DAB2IP: variants seen among roughly 807,000 people sequenced by gnomAD.
The protein encoded by DAB2IP is disabled homolog 2-interacting protein.
DAB2IP carries 28 observed loss-of-function variants against 107.2 expected under a neutral mutation model. That is an observed-to-expected ratio of 0.26 (90% CI 0.19 to 0.36). The LOEUF (loss-of-function observed/expected upper bound fraction) is 0.36. DAB2IP is among the 10% of genes least tolerant of loss of function. DAB2IP has a pLI of 1.00. For synonymous variants in DAB2IP, 755 were observed against 706.4 expected (o/e 1.07, Z -1.09); for missense variants, 1,400 against 1,644.7 (o/e 0.85, Z 2.57).
chr9:121,657,640 C>G (rs1833023410), intron 1 of DAB2IP, among the ~76,000 whole-genome samples: 1 of 152,174 alleles, frequency 6.6e-6, no homozygotes, highest in Non-Finnish European at 1.5e-5. Context: ...CTCGAAAGCT[C>G]ATGCTCAGAA....
At chr9:121,693,986 G>A (rs1829291258) in intron 2 of DAB2IP, among the ~76,000 whole-genome samples, 1 of 152,162 alleles carries the variant, frequency 6.6e-6, no homozygotes. Context: ...GGCTGGGAGT[G>A]TGGCACAGAC....
chr9:121,729,274 C>G (rs1831391732), intron 3 of DAB2IP, among the ~76,000 whole-genome samples: 1 of 152,222 alleles, frequency 6.6e-6, no homozygotes, highest in African/African-American at 2.4e-5. Flanking sequence ...CACTACTTCT[C>G]TGGGGACACT....
At position 121,760,241 on chromosome 9, in the gene DAB2IP, T is replaced by C. The variant is rs1029718391; in HGVS notation, c.972T>C (p.Pro324=). Residue 324 remains proline (P), a synonymous_variant, in exon 6 of 16, where the codon CCT becomes CCC. Transcript: ENST00000408936. This position sits in a 1 kb window ranked among gnomAD's most constrained non-coding sequence, Gnocchi z 5.9. Reference sequence around the variant, plus strand: ...CCAACCCCAAGGGCGGCAAGGGCCCTGGACCCATGATCCGCATCAAGGCGC... The same window carrying C: ...CCAACCCCAAGGGCGGCAAGGGCCCCGGACCCATGATCCGCATCAAGGCGC... 1 of 1,613,730 alleles carries C rather than the reference T, an allele frequency of 6.2e-7. No individual in the cohort carries two copies. The highest frequency in any genetic ancestry group is 1.3e-5 in the African/African-American group (1 of 74,924).
At chr9:121,594,178 G>T (rs963139565) in intron 1 of DAB2IP, among the ~76,000 whole-genome samples, 1 of 151,772 alleles carries the variant, frequency 6.6e-6, no homozygotes, top group African/African-American at 2.4e-5. Context: ...GAGGGATGTA[G>T]TAGCATGCTC....
chr9:121,675,307 G>A (rs920190999), intron 1 of DAB2IP, among the ~76,000 whole-genome samples: 1 of 152,304 alleles, frequency 6.6e-6, no homozygotes, highest in South Asian at 2.1e-4. Context: ...GTGTGGAGGT[G>A]GGACATTCCT....
intron 1 of DAB2IP, among the ~76,000 whole-genome samples, chr9:121,659,328 G>A (rs1419547716): frequency 6.6e-6 from 1 of 152,220 alleles, no homozygotes; most frequent in African/African-American, 2.4e-5. Flanking sequence ...GGGACACAGA[G>A]TTTGGCCTAG....
In DAB2IP at chr9:121,662,212, C is replaced by G. The variant is rs1213153532; in HGVS notation, c.124+10313C>G. On this transcript the variant is annotated intron_variant, in intron 1 of 15. Transcript: ENST00000408936. This position sits in a 1 kb window ranked among gnomAD's most constrained non-coding sequence, Gnocchi z 4.6. ...AGAAAATAATATTGCAGACACCCAC[C>G]TCTCAGGTTGAACAAACCTTAACAT... 4.6e-5 allele frequency among the ~76,000 whole-genome samples: 7 copies of G among 152,142 alleles called. No homozygotes were observed. The highest frequency in any genetic ancestry group is 1.0e-4 in the Non-Finnish European group (7 of 68,038).
chr9:121,645,187 C>T (rs1351897808), intron 1 of DAB2IP, among the ~76,000 whole-genome samples: 1 of 152,224 alleles, frequency 6.6e-6, no homozygotes, highest in Non-Finnish European at 1.5e-5. Flanking sequence ...CAGGGCCCAC[C>T]TGGAGCTTGG....
At chr9:121,567,136 G>C in exon 1 of DAB2IP, 1 of 1,612,576 alleles carries the variant, frequency 6.2e-7, no homozygotes, top group South Asian at 1.1e-5. Flanking sequence ...CGCTCATGGA[G>C]ACAGCCTCGG....
chr9:121,678,883 T>G (rs1463451941), intron 2 of DAB2IP, 102 bp downstream of exon 2: 9 of 1,138,102 alleles, frequency 7.9e-6, no homozygotes, highest in Non-Finnish European at 1.1e-5. Context: ...TGGAGCCTCA[T>G]GGACCCGGAG....
At chr9:121,675,703 G>A (rs1195024522) in intron 1 of DAB2IP, among the ~76,000 whole-genome samples, 1 of 152,146 alleles carries the variant, frequency 6.6e-6, no homozygotes, top group Non-Finnish European at 1.5e-5. Flanking sequence ...CTGTGACCTT[G>A]GGCTGGTGAC....
chr9:121,771,766 C>A (rs1190440964), intron 11 of DAB2IP, among the ~76,000 whole-genome samples: 1 of 152,200 alleles, frequency 6.6e-6, no homozygotes, highest in African/African-American at 2.4e-5. Context: ...CCCGTGAGCA[C>A]TGCAGCCCAT....
At position 121,776,414 on chromosome 9, in the gene DAB2IP, C is replaced by G. The variant is rs559519027; in HGVS notation, c.3314+23C>G. 1.4e-4 allele frequency: 205 copies of G among 1,503,382 alleles called. No homozygotes were observed. Among genetic ancestry groups the G allele is most frequent in the Non-Finnish European group, 1.8e-4 (198 of 1,125,468 alleles). 93.1% of individuals were successfully genotyped at this position (1,503,382 alleles called of 1,614,324 possible). A position where few individuals can be genotyped will look rare whatever the true frequency, so the allele number is the denominator to read the frequency against. On this transcript the variant is annotated intron_variant, in intron 14 of 15. Transcript: ENST00000408936. This position sits in a 1 kb window ranked among gnomAD's most constrained non-coding sequence, Gnocchi z 5.4. Reference sequence around the variant, plus strand: ...CAGGTGGGGCCCACACCTGCCTGGCCTGGCCACAGGCACAGGCAGGGCAGC... The same window carrying G: ...CAGGTGGGGCCCACACCTGCCTGGCGTGGCCACAGGCACAGGCAGGGCAGC...
At position 121,635,887 on chromosome 9, in the gene DAB2IP, CCT is replaced by C. The variant is rs974700698; in HGVS notation, c.41-42790_41-42789del. ...AGAGGACCTTCCCAAGGGACAGTCC[CCT>C]GTTTAGATGTCTTTTTTGGGGGGGG... is the stretch of plus-strand genomic sequence containing the variant. On this transcript the variant is annotated intron_variant, in intron 1 of 16. Coordinates refer to the DAB2IP transcript ENST00000259371. The surrounding 1 kb of genome is among the most constrained non-coding windows in gnomAD (Gnocchi z 4.3). Among the ~76,000 whole-genome samples the C allele has an allele frequency of 6.9e-6, 1 of 145,084 alleles. No homozygotes were observed. Among genetic ancestry groups the C allele is most frequent in the African/African-American group, 2.6e-5 (1 of 37,798 alleles).
intron 1 of DAB2IP, among the ~76,000 whole-genome samples, chr9:121,574,119 G>A (rs1216925520): frequency 3.3e-5 from 5 of 152,196 alleles, no homozygotes; most frequent in Non-Finnish European, 7.3e-5. Context: ...TTGAGAGGCA[G>A]AGGGATTAGC....
At position 121,756,828 on chromosome 9, in the gene DAB2IP, G is replaced by A. The variant is rs17518464; in HGVS notation, c.363-185G>A. 1.9e-3 allele frequency among the ~76,000 whole-genome samples: 290 copies of A among 152,334 alleles called. 6 individuals carry two copies. The highest frequency in any genetic ancestry group is 0.015 in the Admixed American group (222 of 15,300). On this transcript the variant is annotated intron_variant, in intron 3 of 15. Transcript: ENST00000408936. ...CCCCCAGCCAGACTCTTGCAGTCGG[G>A]AGGAGGTTCCCACCAGTCTCTGTGA...
intron 1 of DAB2IP, among the ~76,000 whole-genome samples, chr9:121,618,291 G>C (rs1424638483): frequency 4.6e-5 from 7 of 152,164 alleles, no homozygotes; most frequent in Non-Finnish European, 1.0e-4. Context: ...AAGAAGGAGG[G>C]AGCAGACACA....
chr9:121,589,324 C>T (rs1830375662), intron 1 of DAB2IP, among the ~76,000 whole-genome samples: 1 of 152,136 alleles, frequency 6.6e-6, no homozygotes, highest in Non-Finnish European at 1.5e-5. Context: ...CATGGCTGCT[C>T]CCCTCACTTG....
intron 1 of DAB2IP, among the ~76,000 whole-genome samples, chr9:121,608,251 G>A (rs1043925179): frequency 3.3e-5 from 5 of 152,166 alleles, no homozygotes; most frequent in African/African-American, 4.8e-5. Flanking sequence ...ATAAATGAGC[G>A]TGTGGAGGTG....
Sources: gnomAD v4.1 joint callset for allele counts (sites outside exome capture counted in the v4.1 genomes callset) on GRCh38, gnomAD v4.1.1 for gene constraint, Gnocchi (gnomAD v3.1) non-coding constraint, MANE v1.5 for transcripts, NCBI Gene and HGNC (gene_info 2026-07-23, HGNC 2026-07-21) for gene names.